Variants in SLC2A9 observed in about 807,000 individuals in gnomAD.
SLC2A9 encodes solute carrier family 2, facilitated glucose transporter member 9.
Under a neutral mutation model 50.6 loss-of-function variants are expected in SLC2A9, and 39 were observed. That is an observed-to-expected ratio of 0.77 (90% CI 0.60 to 1.01). The LOEUF is 1.01. Ranked by LOEUF, SLC2A9 falls within the 50% of genes least tolerant of loss-of-function variation. The probability of loss-of-function intolerance (pLI) is 0.00; values close to 1 mark genes in which losing one functional copy is unlikely to be tolerated. For missense variants in SLC2A9, 686 were observed against 677.6 expected (o/e 1.01, Z -0.14); for synonymous variants, 324 against 276.9 (o/e 1.17, Z -1.69).
intron 8 of SLC2A9, among the ~76,000 whole-genome samples, chr4:9,894,569 C>G (rs562440455): frequency 2.6e-5 from 4 of 152,298 alleles, no homozygotes; most frequent in African/African-American, 9.6e-5. Flanking sequence ...TGTATTATGT[C>G]TTTATTCTTT....
chr4:9,786,419 C>T (rs1271907403), intron 3 of SLC2A9, among the ~76,000 whole-genome samples: 1 of 152,176 alleles, frequency 6.6e-6, no homozygotes, highest in Non-Finnish European at 1.5e-5. Flanking sequence ...TCAGCAAATG[C>T]ACTAGTGCAC....
intron 1 of SLC2A9, among the ~76,000 whole-genome samples, chr4:10,028,417 C>A (rs951663494): frequency 2.0e-4 from 31 of 152,210 alleles, no homozygotes; most frequent in Non-Finnish European, 4.6e-4. Flanking sequence ...GAAGACAAGG[C>A]CTTGACATCC....
intron 6 of SLC2A9, among the ~76,000 whole-genome samples, chr4:9,931,962 CTATATATATATATATA>C (rs61538689): frequency 1.2e-3 from 18 of 14,574 alleles, no homozygotes; most frequent in African/African-American, 4.9e-3. Flanking sequence ...CTCTCTCTCT[CTATATATATATATATA>C]TATATATATA....
intron 2 of SLC2A9, among the ~76,000 whole-genome samples, chr4:9,999,012 G>C (rs1320318003): frequency 6.6e-6 from 1 of 151,466 alleles, no homozygotes; most frequent in Non-Finnish European, 1.5e-5. Flanking sequence ...TCAAATGTCA[G>C]GTCAGGGGTC....
intron 2 of SLC2A9, among the ~76,000 whole-genome samples, chr4:10,016,083 G>A (rs1236212858): frequency 4.6e-5 from 7 of 152,202 alleles, no homozygotes; most frequent in Admixed American, 4.6e-4. Context: ...ACGAGCCGTG[G>A]TCTCGAGGTT....
At chr4:9,773,739 G>C (rs371121972) in intron 1 of SLC2A9, among the ~76,000 whole-genome samples, 3 of 152,148 alleles carry the variant, frequency 2.0e-5, no homozygotes, top group Non-Finnish European at 4.4e-5. Flanking sequence ...ACAAGTCAAC[G>C]TCAGAGAGAG....
At chr4:9,884,330 C>T (rs1196209924) in intron 10 of SLC2A9, among the ~76,000 whole-genome samples, 1 of 152,164 alleles carries the variant, frequency 6.6e-6, no homozygotes, top group African/African-American at 2.4e-5. Context: ...GAGTGCAATG[C>T]TGCCATCATA....
chr4:9,797,478 C>A (rs747350359), downstream of SLC2A9, among the ~76,000 whole-genome samples: 6 of 152,172 alleles, frequency 3.9e-5, no homozygotes, highest in East Asian at 1.9e-4. Flanking sequence ...ACTCTCATAT[C>A]TTGGCAGGAG....
At chr4:9,822,934 C>G (rs889623858), downstream of SLC2A9, among the ~76,000 whole-genome samples, 25 of 152,132 alleles carry the variant, frequency 1.6e-4, no homozygotes, top group African/African-American at 6.0e-4. Context: ...CTAAAACTGC[C>G]CTGTCCTGGA....
At chr4:9,932,470 C>A (rs1160390851) in intron 6 of SLC2A9, among the ~76,000 whole-genome samples, 7 of 152,152 alleles carry the variant, frequency 4.6e-5, no homozygotes, top group East Asian at 1.9e-4. Flanking sequence ...ATAAACATAT[C>A]ATTTCAGGTC....
chr4:9,936,222 G>C (rs1235739435), intron 6 of SLC2A9, among the ~76,000 whole-genome samples: 1 of 152,142 alleles, frequency 6.6e-6, no homozygotes, highest in Admixed American at 6.5e-5. Context: ...CTTACGAACA[G>C]GATTCATGCC....
At chr4:9,995,579 C>T (rs1758502601) in intron 3 of SLC2A9, 1 of 152,168 alleles carries the variant, frequency 6.6e-6, no homozygotes, top group South Asian at 2.1e-4. Context: ...GATAAATCTC[C>T]TCTTCAACTC....
chr4:9,839,104 C>T (rs1352886052), intron 10 of SLC2A9, among the ~76,000 whole-genome samples: 1 of 152,082 alleles, frequency 6.6e-6, no homozygotes, highest in African/African-American at 2.4e-5. Context: ...AACTATGCAT[C>T]TGACAAAGAT....
At chr4:9,845,515 C>T (rs1405439161) in intron 10 of SLC2A9, among the ~76,000 whole-genome samples, 1 of 146,292 alleles carries the variant, frequency 6.8e-6, no homozygotes, top group Admixed American at 6.7e-5. Context: ...CTGCAAGCTC[C>T]GCCTCCCGGG....
chr4:9,839,654 G>A (rs1174764351), intron 10 of SLC2A9, among the ~76,000 whole-genome samples: 1 of 152,156 alleles, frequency 6.6e-6, no homozygotes, highest in Admixed American at 6.5e-5. Flanking sequence ...CATAAAAAAA[G>A]AATGAGATCA....
intron 1 of SLC2A9, chr4:10,019,386 A>ATCCGTCCC: frequency 2.2e-6 from 1 of 458,158 alleles, no homozygotes; most frequent in East Asian, 3.9e-5. Context: ...CCTTTCAGCG[A>ATCCGTCCC]AGTTGGCGAG....
chr4:9,858,026 C>A (rs1577561541), intron 10 of SLC2A9, among the ~76,000 whole-genome samples: 1 of 152,202 alleles, frequency 6.6e-6, no homozygotes, highest in Non-Finnish European at 1.5e-5. Flanking sequence ...TCAGAGTCAG[C>A]AAATCAGAGC....
At chr4:9,844,229 G>A (rs1728584844) in intron 10 of SLC2A9, among the ~76,000 whole-genome samples, 1 of 144,708 alleles carries the variant, frequency 6.9e-6, no homozygotes, top group African/African-American at 2.5e-5. Flanking sequence ...GATATGGATT[G>A]AGGTATATGT....
Position 9,784,805 on chromosome 4 carries a change from G to T in SLC2A9, n.386-4740C>A, listed in dbSNP as rs540673807. On this transcript the variant is annotated intron_variant and non_coding_transcript_variant, in intron 3 of 3. Transcript: ENST00000503803. ...ATGAAATGTGAATATGCAATTTCTT[G>T]CAAGTCCCTGCTTTGAAGCCGTTTT... is the stretch of plus-strand genomic sequence containing the variant. Among the ~76,000 whole-genome samples, 78 of 152,314 alleles carry T rather than the reference G, an allele frequency of 5.1e-4. 1 individual carries two copies. The highest frequency in any genetic ancestry group is 1.8e-3 in the African/African-American group (73 of 41,578).
Sources: allele counts gnomAD v4.1 joint callset (sites outside exome capture counted in the v4.1 genomes callset), GRCh38; gene constraint gnomAD v4.1.1; transcripts MANE v1.5; gene names NCBI Gene and HGNC (gene_info 2026-07-23, HGNC 2026-07-21).